Variants in DYM observed in about 807,000 individuals in gnomAD.
DYM encodes the protein dymeclin.
A neutral mutation model predicts 93.1 loss-of-function variants in DYM; 78 were observed. The ratio of observed to expected loss-of-function variants is 0.84; its 90% CI spans 0.70 to 1.01. The LOEUF (loss-of-function observed/expected upper bound fraction) is 1.01. Among genes scored for constraint, DYM ranks in the 50% least tolerant of loss-of-function variants. DYM has a pLI of 0.00. For missense variants in DYM, 789 were observed against 845.0 expected, an observed-to-expected ratio of 0.93 and a Z score of 0.82; for synonymous variants, 321 against 319.7, an observed-to-expected ratio of 1.00 and a Z score of -0.04.
chr18:49,396,044 C>T (rs948474745), intron 2 of DYM, among the ~76,000 whole-genome samples: 5 of 152,128 alleles, frequency 3.3e-5, no homozygotes, highest in African/African-American at 1.2e-4. Flanking sequence ...CCCCATTGCA[C>T]CCTTTCTCAT....
intron 8 of DYM, among the ~76,000 whole-genome samples, chr18:49,307,853 A>C (rs1344227578): frequency 1.3e-5 from 2 of 152,238 alleles, no homozygotes; most frequent in African/African-American, 4.8e-5. Flanking sequence ...CAAAAGAAGG[A>C]GGAAAATGAC....
chr18:49,317,555 C>G (rs998252016), intron 8 of DYM, among the ~76,000 whole-genome samples: 16 of 12,694 alleles, frequency 1.3e-3, no homozygotes, highest in South Asian at 5.6e-3. Context: ...CTAGATTTCT[C>G]TCTCTCTCTC....
intron 6 of DYM, among the ~76,000 whole-genome samples, chr18:49,344,572 A>T (rs1405856248): frequency 1.3e-5 from 2 of 152,216 alleles, no homozygotes; most frequent in Non-Finnish European, 2.9e-5. Context: ...TCCCGTGAGA[A>T]ATCTATCAGG....
intron 10 of DYM, among the ~76,000 whole-genome samples, chr18:49,279,486 A>G (rs926306436): frequency 1.3e-4 from 20 of 152,236 alleles, no homozygotes; most frequent in African/African-American, 4.8e-4. Context: ...GATGGAGCAT[A>G]AATTAAGAAA....
intron 17 of DYM, chr18:49,048,332 AAG>A (rs1192684179): frequency 1.3e-5 from 2 of 152,212 alleles, no homozygotes; most frequent in African/African-American, 4.8e-5. Flanking sequence ...ACTCAGGGAG[AAG>A]AGAGGGGCTA....
At chr18:49,322,042 AC>A (rs2062523041) in intron 8 of DYM, among the ~76,000 whole-genome samples, 1 of 152,090 alleles carries the variant, frequency 6.6e-6, no homozygotes, top group Non-Finnish European at 1.5e-5. Context: ...TGCATACCAT[AC>A]CCATCACAAT....
intron 17 of DYM, among the ~76,000 whole-genome samples, chr18:49,047,707 T>C (rs984368292): frequency 2.0e-5 from 3 of 152,110 alleles, no homozygotes; most frequent in Admixed American, 6.5e-5. Flanking sequence ...ACTGTGTTGA[T>C]TCCAGCCCGA....
chr18:49,368,768 A>G (rs2147473625), intron 5 of DYM: 1 of 152,372 alleles, frequency 6.6e-6, no homozygotes, highest in Middle Eastern at 3.4e-3. Context: ...CAAACATGCC[A>G]CAGGTTTTGA....
chr18:49,172,833 CCTAT>C (rs773700305), intron 14 of DYM, among the ~76,000 whole-genome samples: 10 of 152,030 alleles, frequency 6.6e-5, no homozygotes, highest in Admixed American at 2.6e-4. Context: ...TTTTTTATGT[CCTAT>C]CTAAGAAATC....
intron 8 of DYM, among the ~76,000 whole-genome samples, chr18:49,318,578 C>T (rs761972925): frequency 3.3e-5 from 5 of 151,922 alleles, no homozygotes; most frequent in South Asian, 2.1e-4. Context: ...GCCGAGATGG[C>T]GCCGCTGCAC....
At chr18:49,225,630 C>G (rs2083831437) in intron 13 of DYM, among the ~76,000 whole-genome samples, 1 of 151,976 alleles carries the variant, frequency 6.6e-6, no homozygotes, top group Non-Finnish European at 1.5e-5. Flanking sequence ...CGAAGAAATT[C>G]AGAATAAGAA....
intron 17 of DYM, among the ~76,000 whole-genome samples, chr18:49,056,179 C>T (rs1218953270): frequency 4.6e-5 from 7 of 152,212 alleles, no homozygotes. Flanking sequence ...TCAGACAACT[C>T]AGAGACTCAA....
chr18:49,078,444 CA>C (rs2077500252), intron 17 of DYM, among the ~76,000 whole-genome samples: 2 of 151,982 alleles, frequency 1.3e-5, no homozygotes, highest in Admixed American at 1.3e-4. Context: ...CACAACCATA[CA>C]GGGCCATATC....
At chr18:49,313,947 T>C (rs540528337) in intron 8 of DYM, among the ~76,000 whole-genome samples, 17 of 152,050 alleles carry the variant, frequency 1.1e-4, no homozygotes, top group Non-Finnish European at 1.9e-4. Context: ...CAAGGGCTAT[T>C]GTAAACATCA....
intron 17 of DYM, among the ~76,000 whole-genome samples, chr18:49,077,533 C>G (rs200809979): frequency 1.3e-5 from 2 of 152,296 alleles, no homozygotes; most frequent in East Asian, 3.9e-4. Context: ...TTCAGATTTT[C>G]TATGTCTTCA....
chr18:49,196,826 T>A (rs1014669544), intron 14 of DYM, among the ~76,000 whole-genome samples: 6 of 151,978 alleles, frequency 3.9e-5, no homozygotes, highest in African/African-American at 1.2e-4. Flanking sequence ...GATCGGGAAT[T>A]AGGGGTGAGG....
chr18:49,216,056 C>T (rs150121221), intron 13 of DYM, among the ~76,000 whole-genome samples: 11,987 of 152,246 alleles, frequency 0.079, 759 homozygotes, highest in East Asian at 0.31. Flanking sequence ...CCTAATACTG[C>T]GCTTTTCCGA....
At chr18:49,285,096 C>G (rs565472224) in intron 9 of DYM, among the ~76,000 whole-genome samples, 1 of 152,184 alleles carries the variant, frequency 6.6e-6, no homozygotes, top group Non-Finnish European at 1.5e-5. Context: ...AGACACCAAA[C>G]CTGCCGGTGC....
chr18:49,372,849 T>C (rs2067175065), intron 5 of DYM, among the ~76,000 whole-genome samples: 1 of 151,454 alleles, frequency 6.6e-6, no homozygotes, highest in Non-Finnish European at 1.5e-5. Flanking sequence ...AGAAAAGGTC[T>C]GTCAGTATGC....
Sources: allele counts gnomAD v4.1 joint callset (sites outside exome capture counted in the v4.1 genomes callset), GRCh38; gene constraint gnomAD v4.1.1; transcripts MANE v1.5; gene names NCBI Gene and HGNC (gene_info 2026-07-23, HGNC 2026-07-21).